The following IPO11 variants were observed in gnomAD, a reference collection of about 807,000 sequenced individuals.
The protein encoded by IPO11 is importin-11.
In IPO11, 66 loss-of-function variants were observed where a neutral mutation model predicts 143.2. The observed-to-expected ratio is 0.46, with a 90% CI of 0.38 to 0.57. The LOEUF (loss-of-function observed/expected upper bound fraction) is 0.57, where lower values mean the gene tolerates loss of function less well. IPO11 is among the 20% of genes least tolerant of loss of function. IPO11 has a pLI of 0.00. For synonymous variants in IPO11, 385 were observed against 377.8 expected, an observed-to-expected ratio of 1.02 and a Z score of -0.22; for missense variants, 1,026 against 1,141.0, an observed-to-expected ratio of 0.90 and a Z score of 1.45.
At chr5:62,458,059 A>G (rs541142865) in intron 5 of IPO11, among the ~76,000 whole-genome samples, 1 of 149,614 alleles carries the variant, frequency 6.7e-6, no homozygotes, top group South Asian at 2.1e-4. Flanking sequence ...AGGCAGGAGA[A>G]TGGCGTGAAT....
chr5:62,611,739 T>C (rs780064432), intron 29 of IPO11, among the ~76,000 whole-genome samples: 76 of 152,200 alleles, frequency 5.0e-4, no homozygotes, highest in Non-Finnish European at 6.9e-4. Flanking sequence ...ATGAAGAATG[T>C]GGTCTCATTT....
chr5:62,443,198 T>C (rs1744561921), intron 3 of IPO11, 115 bp downstream of exon 3: 2 of 580,862 alleles, frequency 3.4e-6, no homozygotes, highest in South Asian at 2.8e-5. Context: ...GCAGCACATA[T>C]ACTAAAATTG....
chr5:62,429,379 G>T (rs1485865433), intron 1 of IPO11, among the ~76,000 whole-genome samples: 1 of 152,012 alleles, frequency 6.6e-6, no homozygotes, highest in African/African-American at 2.4e-5. Flanking sequence ...ATACTTCATT[G>T]TATGGAAATA....
intron 27 of IPO11, among the ~76,000 whole-genome samples, chr5:62,574,311 G>A (rs1744241999): frequency 6.6e-6 from 1 of 152,150 alleles, no homozygotes; most frequent in Non-Finnish European, 1.5e-5. Flanking sequence ...TTCTTCTGGT[G>A]CATGTGCGTG....
intron 5 of IPO11, among the ~76,000 whole-genome samples, chr5:62,464,913 T>G (rs531635474): frequency 6.6e-6 from 1 of 152,312 alleles, no homozygotes; most frequent in South Asian, 2.1e-4. Context: ...AAAGAAAAGC[T>G]ATAAAATTAC....
intron 5 of IPO11, among the ~76,000 whole-genome samples, chr5:62,453,930 C>T (rs963411815): frequency 2.6e-5 from 4 of 151,734 alleles, no homozygotes; most frequent in Non-Finnish European, 5.9e-5. Context: ...GTCAGGAGAT[C>T]GAGACCATCC....
chr5:62,478,135 C>T (rs903308111), intron 9 of IPO11, among the ~76,000 whole-genome samples: 2 of 151,814 alleles, frequency 1.3e-5, no homozygotes, highest in Non-Finnish European at 1.5e-5. Context: ...TATTTGAGTG[C>T]GTGTCTTTAA....
intron 16 of IPO11, among the ~76,000 whole-genome samples, chr5:62,498,900 A>G (rs1741246148): frequency 6.6e-6 from 1 of 152,242 alleles, no homozygotes; most frequent in Admixed American, 6.5e-5. Flanking sequence ...AGAAAGTTTT[A>G]CTTAGATTAT....
At chr5:62,429,536 G>A (rs540767468) in intron 1 of IPO11, among the ~76,000 whole-genome samples, 158 of 151,392 alleles carry the variant, frequency 1.0e-3, no homozygotes, top group African/African-American at 3.5e-3. Context: ...TCATGCCTTA[G>A]CCTCCCGAGT....
intron 16 of IPO11, among the ~76,000 whole-genome samples, chr5:62,501,504 C>G (rs1383151360): frequency 6.6e-6 from 1 of 151,858 alleles, no homozygotes; most frequent in Admixed American, 6.6e-5. Flanking sequence ...TGAAAATGAC[C>G]TTGAGAATTT....
At chr5:62,562,503 C>T (rs569824043) in intron 27 of IPO11, among the ~76,000 whole-genome samples, 4 of 152,276 alleles carry the variant, frequency 2.6e-5, no homozygotes, top group African/African-American at 9.6e-5. Flanking sequence ...ATGCACTGTT[C>T]ACAATAGGGT....
In IPO11 at chr5:62,506,897, T is replaced by C. The variant is rs183429305; in HGVS notation, c.1782+540T>C. Among the ~76,000 whole-genome samples the C allele has an allele frequency of 6.6e-4, 101 of 152,302 alleles. 1 individual carries two copies. Among genetic ancestry groups the C allele is most frequent in the African/African-American group, 2.3e-3 (96 of 41,572 alleles). ...TGACTTCCTATATTCTAGTTCACCA[T>C]TGCATATCCTTGTTTGGAAAGCACT... On this transcript the variant is annotated intron_variant, in intron 19 of 29. Transcript: ENST00000325324.
chr5:62,527,366 C>G (rs544733529), intron 21 of IPO11, among the ~76,000 whole-genome samples: 1 of 152,190 alleles, frequency 6.6e-6, no homozygotes, highest in East Asian at 1.9e-4. Context: ...CTGTCAGTGT[C>G]AAAACAGTCA....
intron 19 of IPO11, among the ~76,000 whole-genome samples, chr5:62,514,603 CGGGAGAGGGAGA>C (rs147517248): frequency 8.2e-4 from 109 of 132,332 alleles, no homozygotes; most frequent in Admixed American, 1.4e-3. Flanking sequence ...GAGAGGGAGA[CGGGAGAGGGAGA>C]GGGAGAGGGA....
intron 27 of IPO11, among the ~76,000 whole-genome samples, chr5:62,564,291 C>T (rs1018165837): frequency 2.6e-5 from 4 of 152,008 alleles, no homozygotes; most frequent in Admixed American, 2.6e-4. Context: ...TGCTGATATT[C>T]AAGTCAGCAG....
intron 28 of IPO11, among the ~76,000 whole-genome samples, chr5:62,592,423 G>T (rs910589116): frequency 1.3e-5 from 2 of 152,030 alleles, no homozygotes; most frequent in African/African-American, 4.8e-5. Flanking sequence ...AACATAATGT[G>T]TCTGATATGT....
chr5:62,458,810 A>G (rs1561319472), intron 5 of IPO11, among the ~76,000 whole-genome samples: 1 of 152,198 alleles, frequency 6.6e-6, no homozygotes, highest in Non-Finnish European at 1.5e-5. Context: ...TGTGCGCTGA[A>G]CAGAAGAGAT....
chr5:62,565,683 A>G (rs1438061307), intron 27 of IPO11, among the ~76,000 whole-genome samples: 3 of 151,986 alleles, frequency 2.0e-5, no homozygotes, highest in Admixed American at 6.6e-5. Context: ...AAGTTCCAGG[A>G]TACAAATACA....
intron 29 of IPO11, among the ~76,000 whole-genome samples, chr5:62,626,123 A>G (rs1332015581): frequency 6.6e-6 from 1 of 151,870 alleles, no homozygotes; most frequent in Non-Finnish European, 1.5e-5. Context: ...TCCGCATCCC[A>G]GATTCAGGCG....
Sources: gnomAD v4.1 joint callset for allele counts (sites outside exome capture counted in the v4.1 genomes callset) on GRCh38, gnomAD v4.1.1 for gene constraint, MANE v1.5 for transcripts, NCBI Gene and HGNC (gene_info 2026-07-23, HGNC 2026-07-21) for gene names.